NFKB1: variants seen among roughly 807,000 people sequenced by gnomAD.
The protein encoded by NFKB1 is nuclear factor kappa B subunit 1, also known as nuclear factor NF-kappa-B p105 subunit.
NFKB1 carries 9 observed loss-of-function variants against 105.1 expected under a neutral mutation model. The ratio of observed to expected loss-of-function variants is 0.09; its 90% CI spans 0.05 to 0.15. NFKB1 has a LOEUF of 0.15. NFKB1 is among the 10% of genes least tolerant of loss of function. The pLI, the probability that NFKB1 is intolerant of heterozygous loss-of-function variation, is 1.00. For missense variants in NFKB1, 830 were observed against 1,203.7 expected (o/e 0.69, Z 4.59); for synonymous variants, 440 against 442.2 (o/e 1.00, Z 0.06).
chr4:102,544,844 A>C (rs1578744296), intron 5 of NFKB1, among the ~76,000 whole-genome samples: 1 of 152,118 alleles, frequency 6.6e-6, no homozygotes, highest in East Asian at 1.9e-4. Flanking sequence ...GAATTTAAGA[A>C]CTGTCTGAAT....
intron 4 of NFKB1, among the ~76,000 whole-genome samples, chr4:102,535,916 GAA>G (rs1421113479): frequency 6.7e-6 from 1 of 149,596 alleles, no homozygotes; most frequent in Non-Finnish European, 1.5e-5. Context: ...TTTTAAGTTA[GAA>G]AAAGATTCTT....
At chr4:102,611,614 T>C (rs1728425915) in intron 20 of NFKB1, among the ~76,000 whole-genome samples, 1 of 152,220 alleles carries the variant, frequency 6.6e-6, no homozygotes, top group Non-Finnish European at 1.5e-5. Flanking sequence ...ACATCTCAAT[T>C]TGAGCAAGTT....
At chr4:102,519,651 C>G (rs1229230781) in intron 1 of NFKB1, among the ~76,000 whole-genome samples, 1 of 152,058 alleles carries the variant, frequency 6.6e-6, no homozygotes, top group Non-Finnish European at 1.5e-5. Context: ...AACCAGAACA[C>G]TTGGGAGACC....
intron 5 of NFKB1, among the ~76,000 whole-genome samples, chr4:102,544,425 T>C (rs1721971391): frequency 6.6e-6 from 1 of 152,202 alleles, no homozygotes; most frequent in Non-Finnish European, 1.5e-5. Flanking sequence ...TTGAATGGGC[T>C]TCACTGCTTT....
At chr4:102,517,334 TG>T (rs1158240039) in intron 1 of NFKB1, among the ~76,000 whole-genome samples, 1 of 152,226 alleles carries the variant, frequency 6.6e-6, no homozygotes, top group Non-Finnish European at 1.5e-5. Flanking sequence ...GTATTTTGTA[TG>T]GTTTCACAGT....
At chr4:102,584,422 A>C (rs1725554747) in intron 10 of NFKB1, among the ~76,000 whole-genome samples, 1 of 152,230 alleles carries the variant, frequency 6.6e-6, no homozygotes, top group Non-Finnish European at 1.5e-5. Flanking sequence ...AGACATTTGA[A>C]ATAGACAAAT....
chr4:102,511,706 T>A (rs1739794210), intron 1 of NFKB1, among the ~76,000 whole-genome samples: 1 of 152,102 alleles, frequency 6.6e-6, no homozygotes, highest in Admixed American at 6.5e-5. Flanking sequence ...AAGAGAAACT[T>A]TATTTTTACA....
intron 1 of NFKB1, among the ~76,000 whole-genome samples, chr4:102,507,209 A>G (rs1036923067): frequency 2.0e-5 from 3 of 151,942 alleles, no homozygotes; most frequent in African/African-American, 7.2e-5. Flanking sequence ...ATAATAAAAT[A>G]ATCCAGGCAC....
At chr4:102,509,326 C>A (rs754417372) in intron 1 of NFKB1, among the ~76,000 whole-genome samples, 5 of 152,212 alleles carry the variant, frequency 3.3e-5, no homozygotes, top group Admixed American at 6.5e-5. Flanking sequence ...ATTACATAAT[C>A]ATTTACCCTG....
intron 3 of NFKB1, among the ~76,000 whole-genome samples, chr4:102,532,627 CA>C (rs922419053): frequency 1.4e-5 from 2 of 147,228 alleles, no homozygotes; most frequent in Admixed American, 6.7e-5. Context: ...GACTCTGTCT[CA>C]AAAAAAAATA....
intron 6 of NFKB1, among the ~76,000 whole-genome samples, chr4:102,568,544 G>T (rs1437515136): frequency 1.3e-5 from 2 of 152,028 alleles, no homozygotes; most frequent in African/African-American, 4.8e-5. Context: ...TTCCAGTAGG[G>T]TTCTGTCAGT....
chr4:102,616,070 A>G (rs1444585955), intron 23 of NFKB1, among the ~76,000 whole-genome samples: 1 of 152,256 alleles, frequency 6.6e-6, no homozygotes, highest in Non-Finnish European at 1.5e-5. Context: ...GCTGAGGTTC[A>G]GCAGTTTCCC....
chr4:102,507,436 A>G lies in NFKB1; in HGVS notation c.-8+5648A>G, dbSNP rs549989845. 9.0e-4 allele frequency among the ~76,000 whole-genome samples: 137 copies of G among 152,170 alleles called. 1 individual carries two copies. In the Middle Eastern group the frequency reaches 0.01, roughly 11 times the overall value. ...TAAAGCTATTAGATTTTTCTTTGAG[A>G]TGAACCTTTTTTTTGTAATTTATTT... is the stretch of plus-strand genomic sequence containing the variant. On this transcript the variant is annotated intron_variant, in intron 1 of 23. Transcript: ENST00000226574.
intron 5 of NFKB1, among the ~76,000 whole-genome samples, chr4:102,548,666 C>A (rs564915765): frequency 6.6e-6 from 1 of 152,222 alleles, no homozygotes; most frequent in African/African-American, 2.4e-5. Flanking sequence ...AGGGCCGTGC[C>A]CCCTTTGAAG....
At chr4:102,589,769 T>C (rs1726019960) in intron 11 of NFKB1, among the ~76,000 whole-genome samples, 1 of 152,100 alleles carries the variant, frequency 6.6e-6, no homozygotes, top group Non-Finnish European at 1.5e-5. Flanking sequence ...TCATTGACTG[T>C]ATTTAATTTG....
In NFKB1 at chr4:102,613,480, C is replaced by T. The variant is rs1462393245; in HGVS notation, c.2648C>T (p.Thr883Ile). The change falls in exon 23 of 24, where the codon ACC (threonine) becomes ATC (isoleucine). Residue 883 changes from threonine (T) to isoleucine (I), a missense_variant. This residue lies in a region of NFKB1 where 418 missense variants were observed against 575.3 expected (regional missense o/e 0.73). Transcript: ENST00000226574. ...LVEALRQMGYTEAIEVIQAAS... is the reference protein window; with the variant it reads ...LVEALRQMGYIEAIEVIQAAS... ...GAGGCCCTGAGACAAATGGGCTACA[C>T]CGAAGCAATTGAAGTGATCCAGGCA... The T allele has an allele frequency of 4.3e-6, 7 of 1,613,998 alleles. No individual in the cohort carries two copies. Among genetic ancestry groups the T allele is most frequent in the Non-Finnish European group, 5.1e-6 (6 of 1,180,004 alleles).
chr4:102,560,645 A>G (rs1216631808), intron 5 of NFKB1, among the ~76,000 whole-genome samples: 2 of 152,186 alleles, frequency 1.3e-5, no homozygotes, highest in Non-Finnish European at 2.9e-5. Context: ...CTTACTGAGA[A>G]TACCACATTT....
chr4:102,560,433 T>A (rs1029297931), intron 5 of NFKB1, among the ~76,000 whole-genome samples: 3 of 152,214 alleles, frequency 2.0e-5, no homozygotes, highest in Non-Finnish European at 4.4e-5. Context: ...TTATTTATTA[T>A]GTCAAATGGC....
At chr4:102,504,610 G>C (rs888518934) in intron 1 of NFKB1, among the ~76,000 whole-genome samples, 4 of 152,146 alleles carry the variant, frequency 2.6e-5, no homozygotes, top group African/African-American at 9.7e-5. Flanking sequence ...ACTACGTCTT[G>C]GTAAACAGTA....
Sources: allele counts gnomAD v4.1 joint callset (sites outside exome capture counted in the v4.1 genomes callset), GRCh38; gene constraint gnomAD v4.1.1; regional missense constraint gnomAD v4.1.1; transcripts MANE v1.5; gene names NCBI Gene and HGNC (gene_info 2026-07-23, HGNC 2026-07-21).